The following ERICH6 variants were observed in gnomAD, a reference collection of about 807,000 sequenced individuals.
ERICH6 encodes glutamate-rich protein 6.
A neutral mutation model predicts 71.0 loss-of-function variants in ERICH6; 71 were observed. The observed-to-expected ratio is 1.00, with a 90% CI of 0.83 to 1.22. The LOEUF (loss-of-function observed/expected upper bound fraction) is 1.22. Ranked by LOEUF, ERICH6 falls within the 50% of genes most tolerant of loss-of-function variation. The probability of loss-of-function intolerance (pLI) is 0.00; values close to 1 mark genes in which losing one functional copy is unlikely to be tolerated. For missense variants in ERICH6, 808 were observed against 797.2 expected, an observed-to-expected ratio of 1.01 and a Z score of -0.16; for synonymous variants, 262 against 278.4, an observed-to-expected ratio of 0.94 and a Z score of 0.59.
chr3:150,680,265 A>C (rs1285492449), intron 9 of ERICH6, among the ~76,000 whole-genome samples: 1 of 152,194 alleles, frequency 6.6e-6, no homozygotes. Flanking sequence ...ACAGGATCTC[A>C]CTATGTTACC....
At chr3:150,674,275 T>C (rs1711567566) in intron 10 of ERICH6, among the ~76,000 whole-genome samples, 1 of 152,048 alleles carries the variant, frequency 6.6e-6, no homozygotes, top group South Asian at 2.1e-4. Context: ...ACATTACATA[T>C]CTATTTTAAT....
chr3:150,693,624 AC>A (rs2108073696), intron 3 of ERICH6, among the ~76,000 whole-genome samples: 1 of 146,750 alleles, frequency 6.8e-6, no homozygotes, highest in South Asian at 2.1e-4. Context: ...AAAAATAATT[AC>A]TTTTTTTTTA....
intron 9 of ERICH6, among the ~76,000 whole-genome samples, chr3:150,679,264 G>C (rs1711799276): frequency 1.3e-5 from 2 of 151,872 alleles, no homozygotes; most frequent in African/African-American, 4.8e-5. Context: ...TTGGGGAACA[G>C]GTGGTGTTTG....
Position 150,687,405 on chromosome 3 carries a change from G to A in ERICH6, c.554-1051C>T, listed in dbSNP as rs142440382. Among the ~76,000 whole-genome samples the A allele has an allele frequency of 7.2e-5, 11 of 152,178 alleles. No homozygotes were observed. In the East Asian group the frequency reaches 1.5e-3, roughly 21 times the overall value. On this transcript the variant is annotated intron_variant, in intron 3 of 13. Coordinates refer to ENST00000295910, the MANE Select transcript of ERICH6 (RefSeq NM_152394.5). ...AGAAGATAAAACTGTAGATAAGAGGGGACTATTATGCTACACAGATCAATA... is the reference window on the plus strand; with the variant it reads ...AGAAGATAAAACTGTAGATAAGAGGAGACTATTATGCTACACAGATCAATA...
chr3:150,687,204 A>G (rs1050479975), intron 3 of ERICH6, among the ~76,000 whole-genome samples: 4 of 152,236 alleles, frequency 2.6e-5, no homozygotes, highest in Non-Finnish European at 4.4e-5. Context: ...TCTGATAATC[A>G]CAACGCTGCT....
chr3:150,666,999 A>G lies in ERICH6; in HGVS notation c.1516T>C (p.Leu506=), dbSNP rs761677950. 1 of 1,614,022 alleles carries G rather than the reference A, an allele frequency of 6.2e-7. No individual in the cohort carries two copies. The highest frequency in any genetic ancestry group is 8.5e-7 in the Non-Finnish European group (1 of 1,179,924). ...GCTTGATCTGAATATTGACCTCCCA[A>G]GATATTGATGTATACCCTGGTCAGG... The part of the protein sequence containing the change: ...NGNVWVYINI[L]GGQYSDQAGN... The change falls in exon 13 of 14, where the codon TTG becomes CTG. Residue 506 remains leucine (L), a synonymous_variant. Coordinates refer to ENST00000295910, the MANE Select transcript of ERICH6 (RefSeq NM_152394.5).
intron 13 of ERICH6, among the ~76,000 whole-genome samples, chr3:150,665,515 C>A (rs866834422): frequency 2.1e-3 from 132 of 63,440 alleles, no homozygotes; most frequent in African/African-American, 3.0e-3. Context: ...GACTCCATCT[C>A]AAAAAAAAAA....
rs145408985 is a variant in ERICH6, at chr3:150,659,907, T to G, written c.1977A>C (p.Ile659=). 2.9e-4 allele frequency: 460 copies of G among 1,599,122 alleles called. 3 individuals carry two copies. The African/African-American group carries it at 5.8e-3, about 20-fold the overall frequency. ...QDIMKTIRNI[I]NEEI ...TCATTCTTAGTTAAATTTCTTCATT[T>G]ATTATATTTCTTATTGTCTTCATTA... Residue 659 remains isoleucine (I), a synonymous_variant, in exon 14 of 14, where the codon ATA becomes ATC. Transcript: ENST00000295910.
At chr3:150,695,119 A>C (rs985337521) in intron 3 of ERICH6, among the ~76,000 whole-genome samples, 1 of 152,210 alleles carries the variant, frequency 6.6e-6, no homozygotes, top group Non-Finnish European at 1.5e-5. Flanking sequence ...ATCAGATTTC[A>C]ATATGTGAAC....
At chr3:150,702,328 G>C (rs1327199711) in intron 1 of ERICH6, 150 bp from the exon 2 acceptor site, 3 of 487,040 alleles carry the variant, frequency 6.2e-6, no homozygotes, top group African/African-American at 2.1e-5. Context: ...CTAGGCTGGA[G>C]TGCAATGGCG....
intron 3 of ERICH6, among the ~76,000 whole-genome samples, chr3:150,695,381 G>T (rs975991147): frequency 1.2e-4 from 18 of 152,162 alleles, no homozygotes; most frequent in African/African-American, 4.1e-4. Flanking sequence ...GCCGGCTGTA[G>T]TGGCTCACGC....
chr3:150,680,271 T>C (rs1711849152), intron 9 of ERICH6, among the ~76,000 whole-genome samples, 197 bp downstream of exon 9: 1 of 152,212 alleles, frequency 6.6e-6, no homozygotes, highest in Non-Finnish European at 1.5e-5. Flanking sequence ...TCTCACTATG[T>C]TACCCAGACT....
chr3:150,685,777 T>C lies in ERICH6; in HGVS notation c.748A>G (p.Lys250Glu). 2 of 1,614,160 alleles carry C rather than the reference T, an allele frequency of 1.2e-6. No homozygotes were observed. The highest frequency in any genetic ancestry group is 2.2e-5 in the South Asian group (2 of 91,068). The change falls in exon 6 of 14, where the codon AAA becomes GAA. Residue 250 changes from lysine to glutamate, a missense_variant. Lys to Glu is a moderately conservative substitution (Grantham distance 56). Coordinates refer to ENST00000295910, the MANE Select transcript of ERICH6 (RefSeq NM_152394.5). ...SIGPPSILAY[K>E]EESSNLGINF... Reference sequence around the variant, plus strand: ...ATGCCTAAATTGGAGCTCTCTTCTTTGTATGCCAGAATGGATGGTGGTCCG... The same window carrying C: ...ATGCCTAAATTGGAGCTCTCTTCTTCGTATGCCAGAATGGATGGTGGTCCG...
intron 11 of ERICH6, 90 bp downstream of exon 11, chr3:150,673,866 C>T (rs1189680467): frequency 1.3e-5 from 16 of 1,234,974 alleles, no homozygotes; most frequent in Non-Finnish European, 1.7e-5. Context: ...CAGGTGTGAG[C>T]CACTGCACCC....
intron 3 of ERICH6, among the ~76,000 whole-genome samples, chr3:150,694,365 A>G (rs1267818165): frequency 6.6e-6 from 1 of 152,212 alleles, no homozygotes. Flanking sequence ...ACCATGCCAC[A>G]AGGAAAAAAT....
rs764071357 is a variant in ERICH6, at chr3:150,666,861, C to G, written c.1654G>C (p.Glu552Gln). ...AAAGTTATAGAAATCTTGTCTTGTT[C>G]TAAGATGCGGACTCCAATATAACGG... ...LNRYIGVRIL[E>Q]QDKISITFLA... Residue 552 changes from glutamate (E) to glutamine (Q), a missense_variant, in exon 13 of 14, where the codon GAA (glutamate) becomes CAA (glutamine). Coordinates refer to ENST00000295910, the MANE Select transcript of ERICH6 (RefSeq NM_152394.5). The G allele has an allele frequency of 6.2e-7, 1 of 1,614,082 alleles. No homozygotes were observed. The highest frequency in any genetic ancestry group is 1.6e-4 in the Middle Eastern group (1 of 6,062).
chr3:150,687,413 A>G (rs1483027661), intron 3 of ERICH6, among the ~76,000 whole-genome samples: 2 of 152,240 alleles, frequency 1.3e-5, no homozygotes. Flanking sequence ...GGGGACTATT[A>G]TGCTACACAG....
At chr3:150,671,067 C>A (rs1021826660) in intron 11 of ERICH6, among the ~76,000 whole-genome samples, 1 of 151,990 alleles carries the variant, frequency 6.6e-6, no homozygotes, top group Non-Finnish European at 1.5e-5. Context: ...TGAGGCCAGC[C>A]TAGGCAACAT....
intron 13 of ERICH6, among the ~76,000 whole-genome samples, chr3:150,662,183 C>T (rs549335719): frequency 4.1e-4 from 62 of 152,102 alleles, no homozygotes; most frequent in Non-Finnish European, 7.5e-4. Context: ...TACACTAGGG[C>T]GCGTAATGGG....
Sources: allele counts gnomAD v4.1 joint callset (sites outside exome capture counted in the v4.1 genomes callset), GRCh38; gene constraint gnomAD v4.1.1; transcripts MANE v1.5; gene names NCBI Gene and HGNC (gene_info 2026-07-23, HGNC 2026-07-21).